The following ZNF423 variants were observed in gnomAD, a reference collection of about 807,000 sequenced individuals.
ZNF423 encodes Ebf-associated zinc finger protein.
ZNF423 carries 12 observed loss-of-function variants against 95.8 expected under a neutral mutation model. That is an observed-to-expected ratio of 0.13 (90% CI 0.08 to 0.20). The LOEUF (loss-of-function observed/expected upper bound fraction) is 0.20. Ranked by LOEUF, ZNF423 falls within the 10% of genes least tolerant of loss-of-function variation. The probability of loss-of-function intolerance (pLI) is 1.00; values close to 1 mark genes in which losing one functional copy is unlikely to be tolerated. For missense variants in ZNF423, 1,316 were observed against 1,737.1 expected (o/e 0.76, Z 4.31); for synonymous variants, 749 against 711.9 (o/e 1.05, Z -0.83).
chr16:49,649,281 GCAT>G (rs1371385563), intron 3 of ZNF423, among the ~76,000 whole-genome samples: 2 of 152,286 alleles, frequency 1.3e-5, no homozygotes, highest in African/African-American at 4.8e-5. Context: ...CCATGGGCAA[GCAT>G]ATCCCCTCTT....
intron 5 of ZNF423, among the ~76,000 whole-genome samples, chr16:49,563,072 C>T (rs998249497): frequency 5.3e-5 from 8 of 151,834 alleles, no homozygotes; most frequent in African/African-American, 1.9e-4. Flanking sequence ...CATGAGCCAC[C>T]GCGCCCACAC....
chr16:49,604,535 A>AACT (rs1971473816), intron 5 of ZNF423, among the ~76,000 whole-genome samples: 1 of 152,144 alleles, frequency 6.6e-6, no homozygotes, highest in African/African-American at 2.4e-5. Context: ...AATATTAAAT[A>AACT]GTTGCATCAC....
intron 3 of ZNF423, among the ~76,000 whole-genome samples, chr16:49,667,019 T>C (rs1354803365): frequency 6.6e-6 from 1 of 152,164 alleles, no homozygotes; most frequent in Admixed American, 6.5e-5. Flanking sequence ...GCCTGTAAAC[T>C]GGCCAGTCTG....
At chr16:49,858,233 G>A (rs969831293), upstream of ZNF423, among the ~76,000 whole-genome samples, 2 of 149,258 alleles carry the variant, frequency 1.3e-5, no homozygotes, top group African/African-American at 4.9e-5. This position sits in a 1 kb window ranked among gnomAD's most constrained non-coding sequence, Gnocchi z 4.3. Flanking sequence ...CGCCGGGGCC[G>A]GCCGGGCCGC....
At chr16:49,664,000 G>A (rs999073668) in intron 3 of ZNF423, 8 of 920,288 alleles carry the variant, frequency 8.7e-6, no homozygotes, top group African/African-American at 3.6e-5. Context: ...AAGGGGACTC[G>A]GCGTTCCGGT....
chr16:49,650,388 A>T (rs1186379371), intron 3 of ZNF423, among the ~76,000 whole-genome samples: 2 of 152,246 alleles, frequency 1.3e-5, no homozygotes, highest in African/African-American at 4.8e-5. Flanking sequence ...CAAAGTGGTT[A>T]ATGTTTACAT....
At chr16:49,726,955 G>A (rs1013578527) in intron 3 of ZNF423, among the ~76,000 whole-genome samples, 5 of 150,922 alleles carry the variant, frequency 3.3e-5, no homozygotes, top group Non-Finnish European at 5.9e-5. Context: ...ACGTGAAAAC[G>A]TATGTGCTCA....
intron 1 of ZNF423, among the ~76,000 whole-genome samples, chr16:49,824,554 G>A (rs2034985705): frequency 6.6e-6 from 1 of 152,186 alleles, no homozygotes; most frequent in Non-Finnish European, 1.5e-5. Flanking sequence ...CAGGAGAGTG[G>A]CACTCAAATC....
chr16:49,750,089 A>G (rs1283175082), intron 2 of ZNF423, among the ~76,000 whole-genome samples: 1 of 152,026 alleles, frequency 6.6e-6, no homozygotes, highest in Non-Finnish European at 1.5e-5. Flanking sequence ...TGTCACTCAC[A>G]CCTGTGCAGG....
At chr16:49,614,242 A>G (rs1363972345) in intron 5 of ZNF423, among the ~76,000 whole-genome samples, 1 of 152,244 alleles carries the variant, frequency 6.6e-6, no homozygotes. Flanking sequence ...TAAAAGCACA[A>G]TGAGATATCA....
At chr16:49,806,341 G>A (rs1380636584) in intron 1 of ZNF423, among the ~76,000 whole-genome samples, 10 of 152,374 alleles carry the variant, frequency 6.6e-5, no homozygotes, top group Admixed American at 2.0e-4. Context: ...CTCACTCAGG[G>A]TATGGTACAG....
chr16:49,791,944 G>T (rs1268800117), intron 1 of ZNF423, among the ~76,000 whole-genome samples: 1 of 148,712 alleles, frequency 6.7e-6, no homozygotes, highest in Admixed American at 6.8e-5. Flanking sequence ...GGAGACTGCA[G>T]TGAGCTGATA....
At position 49,730,384 on chromosome 16, in the gene ZNF423, G is replaced by A. The variant is rs113239705; in HGVS notation, c.301+387C>T. Among the ~76,000 whole-genome samples the A allele has an allele frequency of 1.1e-3, 174 of 152,206 alleles. 1 individual carries two copies. The highest frequency in any genetic ancestry group is 3.9e-3 in the African/African-American group (163 of 41,510). ...CTCATCCCATCAGAAGCTCTGCCTC[G>A]GAGCTTACTCCTTTATGCAGCTTTC... On this transcript the variant is annotated intron_variant, in intron 3 of 7. Transcript: ENST00000563137.
At chr16:49,601,555 G>A (rs574039740) in intron 5 of ZNF423, among the ~76,000 whole-genome samples, 18 of 152,190 alleles carry the variant, frequency 1.2e-4, no homozygotes, top group African/African-American at 4.3e-4. Context: ...TCCCAGAAGG[G>A]GAGTGACTTG....
rs902246638 is a variant in ZNF423, at chr16:49,615,209, T to C, written c.3601+10961A>G. Reference sequence around the variant, plus strand: ...GCACCAGCATTCTTCCCAGGCTAACTGGCTTGAGGCGTGGAGAGGGTGCAG... The same window carrying C: ...GCACCAGCATTCTTCCCAGGCTAACCGGCTTGAGGCGTGGAGAGGGTGCAG... On this transcript the variant is annotated intron_variant, in intron 5 of 7. Transcript: ENST00000563137. Among the ~76,000 whole-genome samples the C allele has an allele frequency of 2.6e-5, 4 of 151,852 alleles. No individual in the cohort carries two copies. The East Asian group carries it at 7.7e-4, about 29-fold the overall frequency.
intron 5 of ZNF423, among the ~76,000 whole-genome samples, chr16:49,600,513 ACTC>A (rs1370827967): frequency 1.3e-5 from 2 of 151,710 alleles, no homozygotes; most frequent in East Asian, 3.9e-4. Flanking sequence ...ACAATTCTAA[ACTC>A]AGGGTCAGAT....
At chr16:49,724,983 C>T (rs779086339) in intron 3 of ZNF423, among the ~76,000 whole-genome samples, 1 of 152,160 alleles carries the variant, frequency 6.6e-6, no homozygotes, top group Non-Finnish European at 1.5e-5. Flanking sequence ...TGCTCACAGT[C>T]CCCAATCTGT....
chr16:49,745,607 C>T (rs892117668), intron 2 of ZNF423, among the ~76,000 whole-genome samples: 5 of 152,188 alleles, frequency 3.3e-5, no homozygotes, highest in African/African-American at 7.2e-5. Context: ...GAGGCGCACT[C>T]GAGCGCGACG....
chr16:49,725,156 G>A (rs1018496220), intron 3 of ZNF423, among the ~76,000 whole-genome samples: 1 of 152,184 alleles, frequency 6.6e-6, no homozygotes, highest in Non-Finnish European at 1.5e-5. Context: ...GCCCAGGCAG[G>A]AGGATTGCCT....
Sources: allele counts gnomAD v4.1 joint callset (sites outside exome capture counted in the v4.1 genomes callset), GRCh38; gene constraint gnomAD v4.1.1; non-coding constraint Gnocchi (gnomAD v3.1); transcripts MANE v1.5; gene names NCBI Gene and HGNC (gene_info 2026-07-23, HGNC 2026-07-21).